The following ZNF704 variants were observed in gnomAD, a reference collection of about 807,000 sequenced individuals.
ZNF704 encodes glucocorticoid induced gene 1.
A neutral mutation model predicts 44.7 loss-of-function variants in ZNF704; 10 were observed. The ratio of observed to expected loss-of-function variants is 0.22; its 90% confidence interval spans 0.14 to 0.38. The LOEUF is 0.38. Among genes scored for constraint, ZNF704 ranks in the 10% least tolerant of loss-of-function variants. The probability of loss-of-function intolerance (pLI) is 1.00; values close to 1 mark genes in which losing one functional copy is unlikely to be tolerated. For synonymous variants in ZNF704, 211 were observed against 207.6 expected (o/e 1.02, Z -0.14); for missense variants, 390 against 545.5 (o/e 0.71, Z 2.84).
At chr8:80,833,672 T>C (rs1211341381) in intron 1 of ZNF704, among the ~76,000 whole-genome samples, 2 of 152,212 alleles carry the variant, frequency 1.3e-5, no homozygotes, top group Non-Finnish European at 2.9e-5. Flanking sequence ...ATTATTTTTC[T>C]ATACCAAGAC....
At chr8:80,798,425 T>C (rs1003441466) in intron 2 of ZNF704, among the ~76,000 whole-genome samples, 3 of 152,116 alleles carry the variant, frequency 2.0e-5, no homozygotes, top group Admixed American at 6.5e-5. Flanking sequence ...CCAGCTAATT[T>C]TGTATTTTTA....
At chr8:80,695,755 C>T (rs1457811556) in intron 2 of ZNF704, among the ~76,000 whole-genome samples, 4 of 152,076 alleles carry the variant, frequency 2.6e-5, no homozygotes, top group Admixed American at 2.6e-4. Context: ...CGAAAATCTA[C>T]CACATTTCAA....
intron 3 of ZNF704, 40 bp downstream of exon 3, chr8:80,692,964 G>A (rs1001728278): frequency 1.3e-6 from 2 of 1,574,296 alleles, no homozygotes; most frequent in African/African-American, 1.3e-5. Context: ...TGCTCTTGGT[G>A]TCAAGGGGCC....
intron 6 of ZNF704, among the ~76,000 whole-genome samples, chr8:80,660,496 T>C (rs906023568): frequency 7.2e-6 from 1 of 138,220 alleles, no homozygotes; most frequent in East Asian, 2.1e-4. Context: ...AACCTGGAAA[T>C]AACACAAATG....
At chr8:80,810,858 C>G (rs767414060) in intron 2 of ZNF704, among the ~76,000 whole-genome samples, 2 of 152,166 alleles carry the variant, frequency 1.3e-5, no homozygotes, top group Non-Finnish European at 2.9e-5. Flanking sequence ...CTAAATACTG[C>G]CTGGCCCACA....
chr8:80,797,029 A>G (rs1399367855), intron 2 of ZNF704, among the ~76,000 whole-genome samples: 1 of 150,962 alleles, frequency 6.6e-6, no homozygotes. Context: ...AGGAGGGAAT[A>G]GCCCAAAAGA....
At chr8:80,691,283 T>C (rs1585956694) in intron 3 of ZNF704, among the ~76,000 whole-genome samples, 1 of 152,276 alleles carries the variant, frequency 6.6e-6, no homozygotes, top group African/African-American at 2.4e-5. Flanking sequence ...TCATTGATCC[T>C]AAGTCTCATT....
chr8:80,665,110 T>C (rs371477388), intron 5 of ZNF704, 28 bp from the exon 6 acceptor site: 1 of 1,604,456 alleles, frequency 6.2e-7, no homozygotes, highest in Non-Finnish European at 8.5e-7. Flanking sequence ...AAAACAATCA[T>C]ACTAAGCCAA....
chr8:80,861,518 C>T (rs1809061148), intron 1 of ZNF704, among the ~76,000 whole-genome samples: 1 of 152,120 alleles, frequency 6.6e-6, no homozygotes, highest in African/African-American at 2.4e-5. Flanking sequence ...ATGATGGCTG[C>T]ACAACTCTGT....
At chr8:80,665,244 C>G (rs1164948222) in intron 5 of ZNF704, among the ~76,000 whole-genome samples, 162 bp from the exon 6 acceptor site, 2 of 152,178 alleles carry the variant, frequency 1.3e-5, no homozygotes, top group African/African-American at 2.4e-5. Flanking sequence ...TGTCCACTTC[C>G]AGGGAACCCT....
chr8:80,701,176 G>C (rs1006983517), intron 2 of ZNF704, among the ~76,000 whole-genome samples: 2 of 151,810 alleles, frequency 1.3e-5, no homozygotes, highest in Non-Finnish European at 1.5e-5. Context: ...GTCCACCTCA[G>C]GGCAGTCAGT....
chr8:80,790,414 G>A (rs747222791), intron 2 of ZNF704, among the ~76,000 whole-genome samples: 2 of 152,146 alleles, frequency 1.3e-5, no homozygotes, highest in African/African-American at 2.4e-5. Flanking sequence ...GAATGCCTGA[G>A]GGCCAAGGAC....
chr8:80,859,507 T>C (rs1054830812), intron 1 of ZNF704, among the ~76,000 whole-genome samples: 2 of 152,224 alleles, frequency 1.3e-5, no homozygotes, highest in African/African-American at 4.8e-5. Context: ...ATGATGATTT[T>C]ATTTGCTTAG....
chr8:80,741,645 G>A (rs1000024029), intron 2 of ZNF704, among the ~76,000 whole-genome samples: 8 of 152,178 alleles, frequency 5.3e-5, no homozygotes, highest in African/African-American at 7.2e-5. Flanking sequence ...CTGCGACTGC[G>A]CACTTGTGCA....
chr8:80,781,857 C>A (rs533913727), intron 2 of ZNF704, among the ~76,000 whole-genome samples: 23 of 152,306 alleles, frequency 1.5e-4, no homozygotes, highest in African/African-American at 5.3e-4. Context: ...GATGAGAAAG[C>A]CTTGTTTCCA....
At chr8:80,799,259 A>G (rs1807859446) in intron 2 of ZNF704, among the ~76,000 whole-genome samples, 1 of 152,364 alleles carries the variant, frequency 6.6e-6, no homozygotes, top group Non-Finnish European at 1.5e-5. Context: ...AAAAAGTTAC[A>G]AGGAATAATT....
chr8:80,884,110 A>C, the ZNF704 span, among the ~76,000 whole-genome samples: 3 of 152,252 alleles, frequency 2.0e-5, no homozygotes, highest in Non-Finnish European at 2.9e-5. Context: ...GAAAAAATTG[A>C]GAGTGAGACA....
chr8:80,674,020 G>A (rs187352096), intron 4 of ZNF704, among the ~76,000 whole-genome samples: 3 of 152,346 alleles, frequency 2.0e-5, no homozygotes, highest in Non-Finnish European at 2.9e-5. Flanking sequence ...AGTGCTGGGC[G>A]TAGGACCCAG....
chr8:80,651,380 TAA>T (rs1337160142), intron 7 of ZNF704, among the ~76,000 whole-genome samples: 2 of 152,112 alleles, frequency 1.3e-5, no homozygotes, highest in Non-Finnish European at 2.9e-5. Flanking sequence ...GCAAATTGGA[TAA>T]AGAGTCAAGA....
Sources: allele counts gnomAD v4.1 joint callset (sites outside exome capture counted in the v4.1 genomes callset), GRCh38; gene constraint gnomAD v4.1.1; transcripts MANE v1.5; gene names NCBI Gene and HGNC (gene_info 2026-07-23, HGNC 2026-07-21).